The following OTUD4 variants were observed in gnomAD, a reference collection of about 807,000 sequenced individuals.
OTUD4 encodes the protein OTU deubiquitinase 4.
In OTUD4, 24 loss-of-function variants were observed where a neutral mutation model predicts 130.4. That is an observed-to-expected ratio of 0.18 (90% confidence interval 0.13 to 0.26). The LOEUF is 0.26. Ranked by LOEUF, OTUD4 falls within the 10% of genes least tolerant of loss-of-function variation. The pLI is 1.00. For synonymous variants in OTUD4, 420 were observed against 472.5 expected, an observed-to-expected ratio of 0.89 and a Z score of 1.44; for missense variants, 1,031 against 1,329.4, an observed-to-expected ratio of 0.78 and a Z score of 3.49.
intron 17 of OTUD4, 22 bp from the exon 18 acceptor site, chr4:145,142,356 G>C (rs942610226): frequency 6.2e-7 from 1 of 1,608,520 alleles, no homozygotes; most frequent in Admixed American, 1.7e-5. Flanking sequence ...GGGTGAGTGG[G>C]GGAAGACAGA....
chr4:145,179,863 T>C lies in OTUD4; in HGVS notation c.111A>G (p.Lys37=), dbSNP rs767150528. ...AYLRKLGLYR[K]LVAKDGSCLF... The stretch of plus-strand genomic sequence containing the variant: ...GGCACGACCCGTCCTTGGCGACCAG[T>C]TTCCGATACAAGCCCAGTTTCCGCA... The change falls in exon 1 of 21, where the codon AAA becomes AAG. Residue 37 remains lysine (K), a synonymous_variant. Coordinates refer to ENST00000447906, the MANE Select transcript of OTUD4 (RefSeq NM_001366057.1). The C allele has an allele frequency of 3.0e-5, 46 of 1,523,078 alleles. No individual in the cohort carries two copies. The African/African-American group carries it at 4.9e-4, about 16-fold the overall frequency. The allele number at this position is 1,523,078 out of a possible 1,614,324, so 94.3% of individuals were successfully genotyped here. A position where few individuals can be genotyped will look rare whatever the true frequency, so the allele number is the denominator to read the frequency against.
chr4:145,157,208 A>G (rs997939234), intron 7 of OTUD4, among the ~76,000 whole-genome samples: 12 of 152,194 alleles, frequency 7.9e-5, no homozygotes, highest in African/African-American at 2.7e-4. Flanking sequence ...AGAAAAAAAA[A>G]TAAGTAGGCA....
chr4:145,165,798 C>G (rs1174849625), intron 3 of OTUD4, among the ~76,000 whole-genome samples: 1 of 152,120 alleles, frequency 6.6e-6, no homozygotes, highest in Non-Finnish European at 1.5e-5. Flanking sequence ...GTATTGAAGG[C>G]AAGGGCTATC....
rs146168958 is a variant in OTUD4 at position 145,152,559 on chromosome 4, A to G, written c.950T>C (p.Val317Ala). Residue 317 changes from valine (V) to alanine (A), a missense_variant, in exon 11 of 21, where the codon GTT (valine) becomes GCT (alanine). Transcript: ENST00000447906. ...GIHSENGPVLVEELGKKHTSK... is the reference protein window; with the variant it reads ...GIHSENGPVLAEELGKKHTSK... ...TACATACTTCTTTCCCAGTTCTTCAACCAAAACTGGTCCATTCTCAGAATG... is the reference window on the plus strand; with the variant it reads ...TACATACTTCTTTCCCAGTTCTTCAGCCAAAACTGGTCCATTCTCAGAATG... 2.5e-4 allele frequency: 394 copies of G among 1,602,738 alleles called. 2 individuals are homozygous for G. The East Asian group carries it at 7.0e-3, about 29-fold the overall frequency.
In OTUD4 at chr4:145,150,788, T is replaced by A. The variant is rs760541353; in HGVS notation, c.1072+14A>T. On this transcript the variant is annotated intron_variant, in intron 12 of 20. Transcript: ENST00000447906. ...TCCCAATCCCAAAGGAATGATAGCTTGATGTGCTCCTACCAGAATGGAAAT... is the reference window on the plus strand; with the variant it reads ...TCCCAATCCCAAAGGAATGATAGCTAGATGTGCTCCTACCAGAATGGAAAT... 14 of 1,609,270 alleles carry A rather than the reference T, an allele frequency of 8.7e-6. No homozygotes were observed. The South Asian group carries it at 1.4e-4, about 16-fold the overall frequency.
chr4:145,145,378 G>A (rs1351243517), intron 14 of OTUD4, among the ~76,000 whole-genome samples: 1 of 152,128 alleles, frequency 6.6e-6, no homozygotes, highest in African/African-American at 2.4e-5. Flanking sequence ...TCCAATGCCT[G>A]TGCCAGATTA....
At chr4:145,174,816 AC>A in intron 1 of OTUD4, 72 bp from the exon 2 acceptor site, 1 of 790,842 alleles carries the variant, frequency 1.3e-6, no homozygotes, top group East Asian at 2.6e-5. Context: ...CTTCTTTTAC[AC>A]CCAAAATAAT....
intron 3 of OTUD4, among the ~76,000 whole-genome samples, chr4:145,165,538 C>T (rs1751812633): frequency 1.3e-5 from 2 of 151,858 alleles, no homozygotes; most frequent in East Asian, 1.9e-4. Context: ...AGTGCAGCGG[C>T]GTGATCTCGG....
At chr4:145,141,102 G>A (rs1248423020) in intron 19 of OTUD4, among the ~76,000 whole-genome samples, 2 of 150,190 alleles carry the variant, frequency 1.3e-5, no homozygotes, top group African/African-American at 4.9e-5. Context: ...CTGGGAGGTG[G>A]AGGTTGCAGT....
At position 145,165,137 on chromosome 4, in the gene OTUD4, AT is replaced by A; in HGVS notation, c.341+13del. The stretch of plus-strand genomic sequence containing the variant: ...GGTTTCATTTTCTTTTACTTATGTT[AT>A]TACAGTGTTTACCTGTACATAAGAG... On this transcript the variant is annotated intron_variant, in intron 4 of 20. Transcript: ENST00000447906. 6.7e-7 allele frequency: 1 copy of A among 1,482,752 alleles called. No individual in the cohort carries two copies. Among genetic ancestry groups the A allele is most frequent in the South Asian group, 1.2e-5 (1 of 83,348 alleles). 91.8% of individuals were successfully genotyped at this position (1,482,752 alleles called of 1,614,324 possible). A position where few individuals can be genotyped will look rare whatever the true frequency, so the allele number is the denominator to read the frequency against.
Position 145,135,276 on chromosome 4 carries a change from A to G in OTUD4, c.*2154T>C. 6.4e-6 allele frequency: 1 copy of G among 157,084 alleles called. No homozygotes were observed. 9.7% of individuals were successfully genotyped at this position (157,084 alleles called of 1,614,324 possible). A position where few individuals can be genotyped will look rare whatever the true frequency, so the allele number is the denominator to read the frequency against. ...AATCAGTGTTTCCTTCAGGAGCTAT[A>G]TTCTGTTACTCAATTGAGGTAAGAC... On this transcript the variant is annotated 3_prime_UTR_variant, in exon 21 of 21. Transcript: ENST00000447906.
chr4:145,156,137 CAAGTAT>C (rs1479796191), intron 7 of OTUD4, 141 bp from the exon 8 acceptor site: 2 of 592,540 alleles, frequency 3.4e-6, no homozygotes, highest in South Asian at 5.1e-5. Flanking sequence ...AGTTTTGGTA[CAAGTAT>C]ATCTATATAT....
chr4:145,141,986 G>C (rs1318281285), intron 18 of OTUD4, among the ~76,000 whole-genome samples: 1 of 152,154 alleles, frequency 6.6e-6, no homozygotes, highest in Non-Finnish European at 1.5e-5. Flanking sequence ...TCATGCTCCT[G>C]AGACTATGAG....
chr4:145,146,518 A>G (rs528456663), intron 13 of OTUD4, 89 bp from the exon 14 acceptor site: 14 of 803,720 alleles, frequency 1.7e-5, no homozygotes, highest in Non-Finnish European at 2.5e-5. Flanking sequence ...AAAAAACACA[A>G]AACTGTACTG....
Position 145,133,967 on chromosome 4 carries a change from G to A in OTUD4, c.*3463C>T, listed in dbSNP as rs1312683861. 3 of 152,484 alleles carry A rather than the reference G, an allele frequency of 2.0e-5. No homozygotes were observed. Among genetic ancestry groups the A allele is most frequent in the Non-Finnish European group, 4.4e-5 (3 of 68,004 alleles). The allele number at this position is 152,484 out of a possible 1,614,324, so 9.4% of individuals were successfully genotyped here. A position where few individuals can be genotyped will look rare whatever the true frequency, so the allele number is the denominator to read the frequency against. On this transcript the variant is annotated 3_prime_UTR_variant, in exon 21 of 21. Coordinates refer to ENST00000447906, the MANE Select transcript of OTUD4 (RefSeq NM_001366057.1). ...TTGTACTCAGTGTAAGGCTATTATCGTTTTTCATACATAAAATTTTCTAGC... is the reference window on the plus strand; with the variant it reads ...TTGTACTCAGTGTAAGGCTATTATCATTTTTCATACATAAAATTTTCTAGC...
intron 2 of OTUD4, 75 bp from the exon 3 acceptor site, chr4:145,171,795 A>T (rs369239820): frequency 7.9e-6 from 6 of 756,438 alleles, no homozygotes; most frequent in Non-Finnish European, 1.4e-5. Flanking sequence ...CTGTGTAAAC[A>T]TTCACTGTGA....
intron 13 of OTUD4, 25 bp from the exon 14 acceptor site, chr4:145,146,454 G>C: frequency 8.7e-7 from 1 of 1,155,852 alleles, no homozygotes; most frequent in Non-Finnish European, 1.1e-6. Flanking sequence ...ATTCTTGTCA[G>C]AAAATACATA....
chr4:145,174,352 A>G (rs910642949), intron 2 of OTUD4, among the ~76,000 whole-genome samples: 7 of 151,986 alleles, frequency 4.6e-5, no homozygotes, highest in Non-Finnish European at 8.8e-5. Context: ...TTCCCTGACC[A>G]TGTCAGACAA....
chr4:145,155,436 T>C lies in OTUD4; in HGVS notation c.848A>G (p.Gln283Arg), dbSNP rs1751239569. Reference sequence around the variant, plus strand: ...TTGACATTTGTCTCCAACTTCATATTGTAAGCCAGCAGCAATGGAATAATC... The same window carrying C: ...TTGACATTTGTCTCCAACTTCATATCGTAAGCCAGCAGCAATGGAATAATC... ...KRDYSIAAGL[Q>R]YEVGDKCQVR... The change falls in exon 10 of 21, where the codon CAA becomes CGA. Residue 283 changes from glutamine (Q) to arginine (R), a missense_variant. Physicochemically the swap from Gln to Arg is conservative, Grantham distance 43. Around this residue, in one of 3 missense-constraint regions of OTUD4, gnomAD observed 900 missense variants for 1,095.9 expected, o/e 0.82. Coordinates refer to ENST00000447906, the MANE Select transcript of OTUD4 (RefSeq NM_001366057.1). 2 of 1,611,856 alleles carry C rather than the reference T, an allele frequency of 1.2e-6. No individual in the cohort carries two copies. The highest frequency in any genetic ancestry group is 1.1e-5 in the South Asian group (1 of 90,172).
Sources: allele counts gnomAD v4.1 joint callset (sites outside exome capture counted in the v4.1 genomes callset), GRCh38; gene constraint gnomAD v4.1.1; regional missense constraint gnomAD v4.1.1; transcripts MANE v1.5; gene names NCBI Gene and HGNC (gene_info 2026-07-23, HGNC 2026-07-21).